PCDH15: variants seen among roughly 807,000 people sequenced by gnomAD.
The protein encoded by PCDH15 is protocadherin-15.
Under a neutral mutation model 178.5 loss-of-function variants are expected in PCDH15, and 129 were observed. The observed-to-expected ratio is 0.72, with a 90% CI of 0.63 to 0.84. PCDH15 has a LOEUF of 0.84. PCDH15 is among the 40% of genes least tolerant of loss of function. The probability of loss-of-function intolerance (pLI) is 0.00; values close to 1 mark genes in which losing one functional copy is unlikely to be tolerated. For synonymous variants in PCDH15, 800 were observed against 732.0 expected, an observed-to-expected ratio of 1.09 and a Z score of -1.50; for missense variants, 2,230 against 2,099.9, an observed-to-expected ratio of 1.06 and a Z score of -1.21.
intron 8 of PCDH15, among the ~76,000 whole-genome samples, chr10:54,261,496 G>GA (rs571764084): frequency 4.1e-4 from 61 of 150,570 alleles, no homozygotes; most frequent in Admixed American, 1.3e-3. Context: ...TAAGCATTTG[G>GA]AAAAAAAAAT....
At chr10:54,200,457 G>A (rs770540666) in intron 10 of PCDH15, among the ~76,000 whole-genome samples, 3 of 151,716 alleles carry the variant, frequency 2.0e-5, no homozygotes, top group Non-Finnish European at 4.4e-5. Flanking sequence ...GGTGTGTGAT[G>A]TTCCCCTCCC....
intron 2 of PCDH15, among the ~76,000 whole-genome samples, chr10:55,158,135 A>G (rs1838948954): frequency 6.6e-6 from 1 of 150,570 alleles, no homozygotes; most frequent in Non-Finnish European, 1.5e-5. Flanking sequence ...GCCACTCTAG[A>G]AGTGAAGAAA....
intron 2 of PCDH15, among the ~76,000 whole-genome samples, chr10:55,358,235 A>G (rs1465787160): frequency 6.6e-6 from 1 of 152,118 alleles, no homozygotes; most frequent in Non-Finnish European, 1.5e-5. Context: ...TAGAGGAAAC[A>G]TTTTGTATGA....
chr10:54,638,367 G>T (rs2093910966), intron 2 of PCDH15, among the ~76,000 whole-genome samples: 1 of 151,958 alleles, frequency 6.6e-6, no homozygotes, highest in Admixed American at 6.6e-5. Flanking sequence ...TTACAATTAA[G>T]ATTATTCTTT....
chr10:55,034,257 A>C (rs972123614), intron 2 of PCDH15, among the ~76,000 whole-genome samples: 2 of 152,142 alleles, frequency 1.3e-5, no homozygotes, highest in African/African-American at 2.4e-5. Context: ...AAGGGTTATA[A>C]TGCATAAAAA....
intron 2 of PCDH15, among the ~76,000 whole-genome samples, chr10:55,461,050 T>C (rs1242299719): frequency 6.6e-6 from 1 of 152,110 alleles, no homozygotes; most frequent in African/African-American, 2.4e-5. Context: ...CTCAGCCCTG[T>C]GTTAGCTCCA....
At chr10:54,304,615 A>C (rs1406861989) in intron 8 of PCDH15, among the ~76,000 whole-genome samples, 3 of 152,110 alleles carry the variant, frequency 2.0e-5, no homozygotes, top group Non-Finnish European at 4.4e-5. Context: ...TGAGAATTTT[A>C]TTCTTACCAC....
chr10:55,285,697 G>T (rs897853774), intron 1 of PCDH15, among the ~76,000 whole-genome samples: 1 of 151,818 alleles, frequency 6.6e-6, no homozygotes, highest in Non-Finnish European at 1.5e-5. Context: ...ACAAATGCTT[G>T]TTGAGGGAAA....
intron 3 of PCDH15, among the ~76,000 whole-genome samples, chr10:54,871,714 C>T (rs1954044789): frequency 6.6e-6 from 1 of 151,878 alleles, no homozygotes; most frequent in Admixed American, 6.6e-5. Context: ...CAGTGGGACC[C>T]AGGCTCATAA....
At chr10:54,864,830 A>G (rs1210819588) in intron 3 of PCDH15, 1 of 152,200 alleles carries the variant, frequency 6.6e-6, no homozygotes, top group African/African-American at 2.4e-5. Context: ...AGACCAAAAC[A>G]TATGCCACGG....
Position 54,357,895 on chromosome 10 carries a change from C to G in PCDH15, c.474+11225G>C, listed in dbSNP as rs1250548015. 7.2e-5 allele frequency among the ~76,000 whole-genome samples: 11 copies of G among 151,940 alleles called. No individual in the cohort carries two copies. The East Asian group carries it at 1.4e-3, about 19-fold the overall frequency. On this transcript the variant is annotated intron_variant, in intron 5 of 37. Coordinates refer to ENST00000644397, the MANE Select transcript of PCDH15 (RefSeq NM_001384140.1). ...ACTATCTGATCTTTGACAAACCTGA[C>G]AAAAACAAGAAATGGGGAAAGGATT...
At chr10:54,522,812 A>T (rs529609106) in intron 3 of PCDH15, among the ~76,000 whole-genome samples, 28 of 152,362 alleles carry the variant, frequency 1.8e-4, no homozygotes, top group Non-Finnish European at 3.7e-4. Context: ...ATTGTTTGTA[A>T]CAGGGAAGGA....
intron 13 of PCDH15, among the ~76,000 whole-genome samples, chr10:54,180,123 G>A (rs1450426047): frequency 6.6e-6 from 1 of 152,156 alleles, no homozygotes; most frequent in East Asian, 1.9e-4. Context: ...CTAATAATGT[G>A]ATTATACTTC....
chr10:54,306,065 G>A (rs1164290089), intron 8 of PCDH15, among the ~76,000 whole-genome samples: 2 of 151,892 alleles, frequency 1.3e-5, no homozygotes, highest in Non-Finnish European at 2.9e-5. Context: ...GTGATCTAAT[G>A]TCTATTTTTC....
At chr10:55,168,086 T>G (rs181993785) in intron 1 of PCDH15, among the ~76,000 whole-genome samples, 30 of 152,238 alleles carry the variant, frequency 2.0e-4, no homozygotes, top group African/African-American at 7.2e-4. Flanking sequence ...ATTCAAAATA[T>G]AAAAACAATA....
At chr10:54,160,721 CACAAATTTTTTAAATGA>C (rs2045622277) in intron 13 of PCDH15, among the ~76,000 whole-genome samples, 1 of 151,982 alleles carries the variant, frequency 6.6e-6, no homozygotes, top group Admixed American at 6.6e-5. Flanking sequence ...AGAAAACAAA[CACAAATTTTTTAAATGA>C]GTGAAAGATT....
intron 14 of PCDH15, among the ~76,000 whole-genome samples, chr10:54,137,466 C>A (rs1351058171): frequency 2.6e-5 from 4 of 151,820 alleles, no homozygotes; most frequent in African/African-American, 9.7e-5. Flanking sequence ...AGAAATTGAC[C>A]CTTCTGGTCT....
chr10:55,141,161 T>C (rs559645720), intron 2 of PCDH15, among the ~76,000 whole-genome samples: 23 of 152,060 alleles, frequency 1.5e-4, no homozygotes, highest in Admixed American at 2.6e-4. Context: ...CTTCTTCTTC[T>C]GGGACAACAA....
intron 28 of PCDH15, among the ~76,000 whole-genome samples, chr10:53,852,543 A>T (rs1471643821): frequency 2.0e-5 from 3 of 152,102 alleles, no homozygotes; most frequent in Non-Finnish European, 4.4e-5. Flanking sequence ...GGTGAGGAGT[A>T]ATCATTACAG....
Sources: allele counts gnomAD v4.1 joint callset (sites outside exome capture counted in the v4.1 genomes callset), GRCh38; gene constraint gnomAD v4.1.1; transcripts MANE v1.5; gene names NCBI Gene and HGNC (gene_info 2026-07-23, HGNC 2026-07-21).